The following FARS2 variants were observed in gnomAD, a reference collection of about 807,000 sequenced individuals.
FARS2 encodes phenylalanine--tRNA ligase, mitochondrial.
A neutral mutation model predicts 46.4 loss-of-function variants in FARS2; 40 were observed. The observed-to-expected ratio is 0.86, with a 90% confidence interval of 0.67 to 1.12. FARS2 has a LOEUF of 1.12. Among genes scored for constraint, FARS2 ranks in the 50% most tolerant of loss-of-function variants. FARS2 has a pLI of 0.00. For synonymous variants in FARS2, 234 were observed against 214.9 expected (o/e 1.09, Z -0.78); for missense variants, 513 against 567.9 (o/e 0.90, Z 0.98).
chr6:5,399,127 TTTATTATTATTATTATTATTATTA>T (rs56236107), intron 2 of FARS2, among the ~76,000 whole-genome samples: 23 of 125,820 alleles, frequency 1.8e-4, no homozygotes, highest in Admixed American at 7.3e-4. Context: ...TTTATATTAT[TTTATTATTATTATTATTATTATTA>T]TTATTATTAT....
At chr6:5,608,218 GT>G (rs1016702133) in intron 5 of FARS2, among the ~76,000 whole-genome samples, 1 of 152,110 alleles carries the variant, frequency 6.6e-6, no homozygotes, top group African/African-American at 2.4e-5. Flanking sequence ...TTACAGGAGT[GT>G]TTACCATCAG....
At chr6:5,410,245 C>G (rs1290832564) in intron 3 of FARS2, among the ~76,000 whole-genome samples, 2 of 151,706 alleles carry the variant, frequency 1.3e-5, no homozygotes, top group Non-Finnish European at 2.9e-5. Flanking sequence ...ACTCTGCCTC[C>G]TGGGTTCCCG....
At chr6:5,421,878 C>T (rs1214157723) in intron 3 of FARS2, among the ~76,000 whole-genome samples, 1 of 152,214 alleles carries the variant, frequency 6.6e-6, no homozygotes, top group African/African-American at 2.4e-5. Context: ...TTTCTGTTTT[C>T]TTCTGAGCTC....
intron 5 of FARS2, among the ~76,000 whole-genome samples, chr6:5,580,666 G>T (rs570551286): frequency 1.3e-5 from 2 of 152,280 alleles, no homozygotes; most frequent in South Asian, 2.1e-4. Context: ...ATGACTTTGT[G>T]TGCAGGGATA....
intron 4 of FARS2, among the ~76,000 whole-genome samples, chr6:5,544,761 G>A (rs543383232): frequency 6.6e-6 from 1 of 152,296 alleles, no homozygotes; most frequent in South Asian, 2.1e-4. Context: ...GGCCACTATG[G>A]CATGTTTTGA....
chr6:5,422,787 T>A (rs1762628094), intron 3 of FARS2, among the ~76,000 whole-genome samples: 1 of 152,214 alleles, frequency 6.6e-6, no homozygotes, highest in African/African-American at 2.4e-5. Context: ...TTAGACATGC[T>A]TATTTTTTCA....
chr6:5,606,989 G>A (rs1774872620), intron 5 of FARS2, among the ~76,000 whole-genome samples: 1 of 152,092 alleles, frequency 6.6e-6, no homozygotes, highest in African/African-American at 2.4e-5. Context: ...ATCTTCCAGT[G>A]CTATTTGGTG....
At chr6:5,290,761 C>T (rs1244636099) in intron 1 of FARS2, among the ~76,000 whole-genome samples, 2 of 152,190 alleles carry the variant, frequency 1.3e-5, no homozygotes, top group East Asian at 3.9e-4. Context: ...CACTCTGTCC[C>T]CTAAGCTGGA....
intron 1 of FARS2, among the ~76,000 whole-genome samples, chr6:5,294,904 C>G (rs1767751514): frequency 6.6e-6 from 1 of 152,074 alleles, no homozygotes; most frequent in African/African-American, 2.4e-5. Context: ...GTGGGACTCT[C>G]TCATGGAAGG....
intron 1 of FARS2, among the ~76,000 whole-genome samples, chr6:5,316,780 C>T (rs1769549778): frequency 2.0e-5 from 3 of 152,146 alleles, no homozygotes; most frequent in Admixed American, 6.5e-5. Context: ...GGAAAGTAAC[C>T]ATTTTGAAAT....
chr6:5,584,354 T>C (rs1015914909), intron 5 of FARS2, among the ~76,000 whole-genome samples: 6 of 152,140 alleles, frequency 3.9e-5, no homozygotes, highest in African/African-American at 1.4e-4. Context: ...AACATCATCA[T>C]TTCTCCCCCA....
chr6:5,758,243 A>G (rs1762310584), intron 6 of FARS2, among the ~76,000 whole-genome samples: 1 of 152,142 alleles, frequency 6.6e-6, no homozygotes, highest in South Asian at 2.1e-4. Context: ...AATAAGCCAC[A>G]TCAGGAACCA....
At chr6:5,694,835 C>T (rs917662446) in intron 6 of FARS2, 2 of 96,250 alleles carry the variant, frequency 2.1e-5, no homozygotes, top group African/African-American at 8.6e-5. Context: ...GAACCCCCCA[C>T]ACCTCTACAA....
At chr6:5,394,742 A>G (rs1760789626) in intron 2 of FARS2, among the ~76,000 whole-genome samples, 2 of 151,940 alleles carry the variant, frequency 1.3e-5, no homozygotes, top group South Asian at 2.1e-4. Flanking sequence ...ACTTTGAAAC[A>G]TCTGTGTTGT....
In FARS2 at chr6:5,274,226, C is replaced by T. The variant is rs1347725729; in HGVS notation, c.-22+12566C>T. On this transcript the variant is annotated intron_variant, in intron 1 of 6. Coordinates refer to ENST00000274680, the MANE Select transcript of FARS2 (RefSeq NM_006567.5). ...TTGGCTACCCATCAGCCATATCAAC[C>T]GTACTTCTTCCCGGCCATTAGAACC... 5.3e-5 allele frequency among the ~76,000 whole-genome samples: 8 copies of T among 152,176 alleles called. No homozygotes were observed. The East Asian group carries it at 5.8e-4, about 11-fold the overall frequency.
intron 1 of FARS2, among the ~76,000 whole-genome samples, chr6:5,264,906 G>T (rs893022520): frequency 1.3e-5 from 2 of 151,612 alleles, no homozygotes; most frequent in Non-Finnish European, 1.5e-5. Context: ...TGATTTTCCT[G>T]CCTCAGCCTC....
intron 6 of FARS2, among the ~76,000 whole-genome samples, chr6:5,631,007 C>G (rs941818371): frequency 1.3e-5 from 2 of 152,166 alleles, no homozygotes; most frequent in African/African-American, 2.4e-5. Context: ...ATTGCCTCCT[C>G]CAAAGGAGAA....
At chr6:5,392,019 C>T (rs1238764125) in intron 2 of FARS2, among the ~76,000 whole-genome samples, 3 of 152,076 alleles carry the variant, frequency 2.0e-5, no homozygotes, top group Non-Finnish European at 4.4e-5. Flanking sequence ...ATAAATTATA[C>T]AAACTGTTGG....
chr6:5,766,297 T>G (rs570950763), intron 6 of FARS2, among the ~76,000 whole-genome samples: 5 of 152,362 alleles, frequency 3.3e-5, no homozygotes, highest in African/African-American at 1.2e-4. Flanking sequence ...CCGGCCCCCA[T>G]GCTCTTACCC....
Sources: gnomAD v4.1 joint callset for allele counts (sites outside exome capture counted in the v4.1 genomes callset) on GRCh38, gnomAD v4.1.1 for gene constraint, MANE v1.5 for transcripts, NCBI Gene and HGNC (gene_info 2026-07-23, HGNC 2026-07-21) for gene names.